SLC14A2: variants seen among roughly 807,000 people sequenced by gnomAD.
The protein encoded by SLC14A2 is urea transporter 2.
In SLC14A2, 91 loss-of-function variants were observed where a neutral mutation model predicts 104.6. That is an observed-to-expected ratio of 0.87 (90% CI 0.73 to 1.04). The LOEUF (loss-of-function observed/expected upper bound fraction) is 1.04. Ranked by LOEUF, SLC14A2 falls within the 50% of genes least tolerant of loss-of-function variation. SLC14A2 has a pLI of 0.00. For synonymous variants in SLC14A2, 476 were observed against 466.4 expected (o/e 1.02, Z -0.27); for missense variants, 1,189 against 1,156.0 (o/e 1.03, Z -0.41).
intron 1 of SLC14A2, among the ~76,000 whole-genome samples, chr18:45,400,687 A>G (rs941579709): frequency 2.0e-5 from 3 of 152,204 alleles, no homozygotes; most frequent in Non-Finnish European, 2.9e-5. Flanking sequence ...ATAGTTGCCA[A>G]ATGATAATTT....
intron 4 of SLC14A2, among the ~76,000 whole-genome samples, chr18:45,631,249 G>A (rs1459140687): frequency 2.6e-5 from 4 of 152,212 alleles, no homozygotes; most frequent in African/African-American, 9.7e-5. Flanking sequence ...CGGACACACA[G>A]ACACACTTCA....
At chr18:45,392,390 T>C (rs531282642) in intron 1 of SLC14A2, among the ~76,000 whole-genome samples, 23 of 152,348 alleles carry the variant, frequency 1.5e-4, no homozygotes, top group African/African-American at 4.8e-4. Context: ...GCTTATGGAA[T>C]ACTTGGGCCA....
Position 45,626,975 on chromosome 18 carries a change from C to A in SLC14A2, c.349C>A (p.Gln117Lys). ...IWLKDKHLAL[Q>K]FIDWVLRGTA... The stretch of plus-strand genomic sequence containing the variant: ...TCTTTCAGACAAGCACCTTGCCCTC[C>A]AGTTCATAGACTGGGTCCTGAGAGG... Residue 117 changes from glutamine to lysine, a missense_variant, in exon 4 of 20, where the codon CAG (glutamine) becomes AAG (lysine). Gln to Lys is a moderately conservative substitution (Grantham distance 53). Transcript: ENST00000255226. 6.2e-7 allele frequency: 1 copy of A among 1,611,390 alleles called. No homozygotes were observed. The highest frequency in any genetic ancestry group is 8.5e-7 in the Non-Finnish European group (1 of 1,179,148).
intron 1 of SLC14A2, among the ~76,000 whole-genome samples, chr18:45,432,755 T>C (rs959051063): frequency 6.6e-6 from 1 of 152,136 alleles, no homozygotes; most frequent in Non-Finnish European, 1.5e-5. Context: ...CAGGATAGTC[T>C]AGTAGACATG....
At chr18:45,532,183 G>T (rs2043703710) in intron 2 of SLC14A2, among the ~76,000 whole-genome samples, 2 of 152,094 alleles carry the variant, frequency 1.3e-5, no homozygotes, top group African/African-American at 2.4e-5. Flanking sequence ...TGGCAGTGCG[G>T]GCTCTTTTTT....
In SLC14A2 at chr18:45,615,842, A is replaced by T. The variant is rs879361323; in HGVS notation, c.-35+260A>T. Among the ~76,000 whole-genome samples, 601 of 144,022 alleles carry T rather than the reference A, an allele frequency of 4.2e-3. 2 individuals are homozygous for T. Among genetic ancestry groups the T allele is most frequent in the African/African-American group, 0.012 (456 of 39,080 alleles). 94.5% of individuals were successfully genotyped at this position (144,022 alleles called of 152,430 possible). The stretch of plus-strand genomic sequence containing the variant: ...ATGTGTGTGTGTGTGTGTGTGAGAG[A>T]GAGAGAGAGAGAGAGAGGGAGAGAG... On this transcript the variant is annotated intron_variant, in intron 1 of 19. Transcript: ENST00000255226.
the SLC14A2 span, among the ~76,000 whole-genome samples, chr18:45,182,675 C>T: frequency 6.6e-6 from 1 of 151,458 alleles, no homozygotes; most frequent in Non-Finnish European, 1.5e-5. Context: ...AAAATAAATA[C>T]AAAAATATAT....
At chr18:45,582,247 A>G (rs1362307733) in intron 2 of SLC14A2, among the ~76,000 whole-genome samples, 1 of 152,208 alleles carries the variant, frequency 6.6e-6, no homozygotes, top group African/African-American at 2.4e-5. Flanking sequence ...CTAGCATTTA[A>G]GTAGTATAAT....
rs909661819 is a variant in SLC14A2, at chr18:45,302,646, T to C, written c.-125+89455T>C. Reference sequence around the variant, plus strand: ...ATCCTGAGTTCGGGTCTTCTTTCTATAGCCAACAGACACTCGGGTTCTATT... The same window carrying C: ...ATCCTGAGTTCGGGTCTTCTTTCTACAGCCAACAGACACTCGGGTTCTATT... On this transcript the variant is annotated intron_variant, in intron 1 of 20. Transcript: ENST00000586448. 3.3e-5 allele frequency among the ~76,000 whole-genome samples: 5 copies of C among 152,202 alleles called. No homozygotes were observed. The South Asian group carries it at 1.0e-3, about 32-fold the overall frequency.
chr18:45,551,183 C>G (rs1432781788), intron 2 of SLC14A2, among the ~76,000 whole-genome samples: 2 of 152,100 alleles, frequency 1.3e-5, no homozygotes, highest in Non-Finnish European at 2.9e-5. Flanking sequence ...GAAATACCTT[C>G]CTTTGCACCA....
chr18:45,287,522 G>A (rs2144157749), intron 1 of SLC14A2, among the ~76,000 whole-genome samples: 1 of 152,266 alleles, frequency 6.6e-6, no homozygotes, highest in African/African-American at 2.4e-5. Context: ...GGTAGGAGTG[G>A]GGACTCTACT....
At chr18:45,330,612 T>C (rs2085280325) in intron 1 of SLC14A2, among the ~76,000 whole-genome samples, 1 of 152,200 alleles carries the variant, frequency 6.6e-6, no homozygotes. Context: ...CTTCATGAGT[T>C]AGCACACATA....
intron 1 of SLC14A2, among the ~76,000 whole-genome samples, chr18:45,249,090 G>A (rs2144070485): frequency 6.6e-6 from 1 of 152,276 alleles, no homozygotes; most frequent in African/African-American, 2.4e-5. Flanking sequence ...CACAGCACAG[G>A]ACTACATATA....
rs1265713651 is a variant in SLC14A2, at chr18:45,273,991, A to T, written c.-125+60800A>T. 2.6e-5 allele frequency among the ~76,000 whole-genome samples: 4 copies of T among 152,290 alleles called. No homozygotes were observed. In the South Asian group the frequency reaches 6.2e-4, roughly 24 times the overall value. On this transcript the variant is annotated intron_variant, in intron 1 of 20. Transcript: ENST00000586448. ...ATTTGAGTTTTAATTCTAAGACAGA[A>T]CTAATGAGAATTAGGTGCAAGAAAA...
At chr18:45,417,194 A>G (rs1285422463) in intron 1 of SLC14A2, among the ~76,000 whole-genome samples, 2 of 152,216 alleles carry the variant, frequency 1.3e-5, no homozygotes, top group Non-Finnish European at 2.9e-5. Context: ...TACTAGGGAT[A>G]AAGCCAGGCT....
intron 2 of SLC14A2, among the ~76,000 whole-genome samples, chr18:45,524,931 A>T (rs1005864196): frequency 1.3e-5 from 2 of 152,226 alleles, no homozygotes; most frequent in African/African-American, 2.4e-5. Context: ...GGACTAATTC[A>T]GGAGACTTAA....
intron 1 of SLC14A2, among the ~76,000 whole-genome samples, chr18:45,261,386 GC>G (rs1170711182): frequency 6.6e-6 from 1 of 150,958 alleles, no homozygotes; most frequent in Non-Finnish European, 1.5e-5. Context: ...GTGTATATGT[GC>G]CACATTTTCT....
intron 2 of SLC14A2, among the ~76,000 whole-genome samples, chr18:45,596,584 G>A (rs1053153393): frequency 3.9e-5 from 6 of 152,312 alleles, no homozygotes; most frequent in African/African-American, 1.4e-4. Flanking sequence ...ACCATGGCAG[G>A]TGTGCGTGTT....
Position 45,661,179 on chromosome 18 carries a change from C to T in SLC14A2, c.1352-2606C>T, listed in dbSNP as rs567807104. The stretch of plus-strand genomic sequence containing the variant: ...CATGTCAGCTCTGCCAGGGCAATCA[C>T]CTACCCACCCATCCAAAGACCTTCC... On this transcript the variant is annotated intron_variant, in intron 10 of 19. Coordinates refer to ENST00000255226, the MANE Select transcript of SLC14A2 (RefSeq NM_007163.4). 1.1e-4 allele frequency among the ~76,000 whole-genome samples: 16 copies of T among 152,312 alleles called. No homozygotes were observed. The South Asian group carries it at 3.3e-3, about 32-fold the overall frequency.
Sources: gnomAD v4.1 joint callset for allele counts (sites outside exome capture counted in the v4.1 genomes callset) on GRCh38, gnomAD v4.1.1 for gene constraint, MANE v1.5 for transcripts, NCBI Gene and HGNC (gene_info 2026-07-23, HGNC 2026-07-21) for gene names.